ADCY2: variants seen among roughly 807,000 people sequenced by gnomAD.
ADCY2 encodes adenylate cyclase type 2.
Under a neutral mutation model 125.2 loss-of-function variants are expected in ADCY2, and 31 were observed. That is an observed-to-expected ratio of 0.25 (90% CI 0.19 to 0.33). ADCY2 has a LOEUF of 0.33. Among genes scored for constraint, ADCY2 ranks in the 10% least tolerant of loss-of-function variants. The pLI, the probability that ADCY2 is intolerant of heterozygous loss-of-function variation, is 1.00. For missense variants in ADCY2, 904 were observed against 1,418.2 expected (o/e 0.64, Z 5.82); for synonymous variants, 512 against 548.4 (o/e 0.93, Z 0.93).
chr5:7,731,017 G>T (rs1034200054), intron 14 of ADCY2, among the ~76,000 whole-genome samples: 1 of 152,024 alleles, frequency 6.6e-6, no homozygotes, highest in African/African-American at 2.4e-5. Flanking sequence ...TGGAGTTCTT[G>T]TAGCTGCATA....
At position 7,802,105 on chromosome 5, in the gene ADCY2, G is replaced by A. The variant is rs866635287; in HGVS notation, c.2629-113G>A. 2.4e-6 allele frequency: 3 copies of A among 1,240,486 alleles called. No individual in the cohort carries two copies. In the South Asian group the frequency reaches 4.4e-5, roughly 18 times the overall value. 76.8% of individuals were successfully genotyped at this position (1,240,486 alleles called of 1,614,324 possible). A position where few individuals can be genotyped will look rare whatever the true frequency, so the allele number is the denominator to read the frequency against. On this transcript the variant is annotated intron_variant, in intron 20 of 24. Coordinates refer to ENST00000338316, the MANE Select transcript of ADCY2 (RefSeq NM_020546.3). This position sits in a 1 kb window ranked among gnomAD's most constrained non-coding sequence, Gnocchi z 4.6. ...GGCTGGGGTGGGGCAAGTGGAGTAGGCATTTGGGCGATGTCTGTGTGAATC... is the reference window on the plus strand; with the variant it reads ...GGCTGGGGTGGGGCAAGTGGAGTAGACATTTGGGCGATGTCTGTGTGAATC...
chr5:7,687,605 G>A (rs933050065), intron 4 of ADCY2, among the ~76,000 whole-genome samples: 5 of 152,186 alleles, frequency 3.3e-5, no homozygotes, highest in African/African-American at 1.2e-4. Flanking sequence ...TGAGCAATGT[G>A]CCGACCGATT....
intron 2 of ADCY2, among the ~76,000 whole-genome samples, chr5:7,418,398 C>A (rs1454387362): frequency 6.6e-6 from 1 of 152,066 alleles, no homozygotes; most frequent in East Asian, 1.9e-4. Context: ...GCCCTCTCAC[C>A]CAAGGCATGA....
intron 3 of ADCY2, among the ~76,000 whole-genome samples, chr5:7,595,642 C>A (rs1736981141): frequency 1.3e-5 from 2 of 152,132 alleles, no homozygotes; most frequent in South Asian, 4.1e-4. Flanking sequence ...ATATAATCAT[C>A]TCTTAGTAGC....
intron 14 of ADCY2, among the ~76,000 whole-genome samples, chr5:7,727,849 T>C (rs1741977906): frequency 6.6e-6 from 1 of 152,194 alleles, no homozygotes; most frequent in Non-Finnish European, 1.5e-5. Context: ...GGTGAATTCC[T>C]TCTGGTTCCA....
intron 22 of ADCY2, among the ~76,000 whole-genome samples, chr5:7,809,172 T>C (rs528602836): frequency 6.6e-6 from 1 of 152,334 alleles, no homozygotes; most frequent in East Asian, 1.9e-4. Context: ...ATTGGTACCA[T>C]TGCTGACTCA....
At chr5:7,823,576 A>G (rs1745369947) in intron 24 of ADCY2, among the ~76,000 whole-genome samples, 1 of 152,098 alleles carries the variant, frequency 6.6e-6, no homozygotes, top group Admixed American at 6.6e-5. Flanking sequence ...ATCCTGGACA[A>G]CCCCAGGTCT....
rs191484062 is a variant in ADCY2, at chr5:7,572,255, T to G, written c.570+51356T>G. On this transcript the variant is annotated intron_variant, in intron 3 of 24. Coordinates refer to ENST00000338316, the MANE Select transcript of ADCY2 (RefSeq NM_020546.3). Reference sequence around the variant, plus strand: ...ATCTTCCACAATGGTTGAACTAATTTACACTCCCGTCAACAGTGTATAAAT... The same window carrying G: ...ATCTTCCACAATGGTTGAACTAATTGACACTCCCGTCAACAGTGTATAAAT... 3.9e-5 allele frequency among the ~76,000 whole-genome samples: 6 copies of G among 152,342 alleles called. No individual in the cohort carries two copies. The East Asian group carries it at 9.7e-4, about 25-fold the overall frequency.
rs1741614304 is a variant in ADCY2, at chr5:7,717,089, T to TA, written c.1623-62dup. On this transcript the variant is annotated intron_variant, in intron 11 of 24. Coordinates refer to ENST00000338316, the MANE Select transcript of ADCY2 (RefSeq NM_020546.3). Reference sequence around the variant, plus strand: ...AAGGATGTAAAATATTATGTATCTCTAAAAAATTGGCTTAATATTTATTTT... The same window carrying TA: ...AAGGATGTAAAATATTATGTATCTCTAAAAAAATTGGCTTAATATTTATTTT... 6.8e-6 allele frequency: 7 copies of TA among 1,023,396 alleles called. No homozygotes were observed. In the Admixed American group the frequency reaches 1.4e-4, roughly 21 times the overall value. The allele number at this position is 1,023,396 out of a possible 1,614,324, so 63.4% of individuals were successfully genotyped here.
At chr5:7,565,547 C>T (rs1017009048) in intron 3 of ADCY2, among the ~76,000 whole-genome samples, 4 of 152,194 alleles carry the variant, frequency 2.6e-5, no homozygotes, top group African/African-American at 4.8e-5. Context: ...TGGAAACAGA[C>T]TGTGGCAATC....
intron 2 of ADCY2, among the ~76,000 whole-genome samples, chr5:7,465,589 G>A (rs1022296316): frequency 2.6e-5 from 4 of 152,166 alleles, no homozygotes; most frequent in Admixed American, 1.3e-4. Flanking sequence ...TGAGAATGCA[G>A]ACACCTATGG....
At chr5:7,499,332 T>A (rs1743462288) in intron 2 of ADCY2, among the ~76,000 whole-genome samples, 1 of 152,028 alleles carries the variant, frequency 6.6e-6, no homozygotes, top group South Asian at 2.1e-4. Flanking sequence ...GGGTAGTTGC[T>A]GGAGGGAGAG....
intron 3 of ADCY2, among the ~76,000 whole-genome samples, chr5:7,598,714 C>T (rs1048049856): frequency 2.0e-5 from 3 of 152,146 alleles, no homozygotes; most frequent in Non-Finnish European, 2.9e-5. Flanking sequence ...AGCCCCGTTG[C>T]GCTCAGGTGA....
chr5:7,650,217 GACAC>G (rs3073883), intron 4 of ADCY2, among the ~76,000 whole-genome samples: 27,236 of 147,732 alleles, frequency 0.18, 3,044 homozygotes, highest in Admixed American at 0.34. Context: ...TGCAGGCACA[GACAC>G]ACACACACAC....
chr5:7,475,018 A>G (rs954830737), intron 2 of ADCY2, among the ~76,000 whole-genome samples: 3 of 152,168 alleles, frequency 2.0e-5, no homozygotes, highest in African/African-American at 7.2e-5. Flanking sequence ...TGGCTTTGGC[A>G]GGAGGGTCGC....
At chr5:7,530,143 G>C (rs1184087897) in intron 3 of ADCY2, among the ~76,000 whole-genome samples, 1 of 152,172 alleles carries the variant, frequency 6.6e-6, no homozygotes, top group East Asian at 1.9e-4. Context: ...TGCTGGCCTT[G>C]GTGCTGATTA....
chr5:7,435,426 C>T (rs750074669), intron 2 of ADCY2, among the ~76,000 whole-genome samples: 8 of 152,146 alleles, frequency 5.3e-5, no homozygotes, highest in Non-Finnish European at 8.8e-5. Flanking sequence ...TTTCATCATA[C>T]GACATAATCA....
rs567867429 is a variant in ADCY2 at position 7,509,448 on chromosome 5, AT to A, written c.409-11282del. ...CCGTCTGTATTCCCTCAGGACACCC[AT>A]TTTTTTTAATGTTATATCCTACTAT... On this transcript the variant is annotated intron_variant, in intron 2 of 24. Coordinates refer to ENST00000338316, the MANE Select transcript of ADCY2 (RefSeq NM_020546.3). 2.4e-3 allele frequency among the ~76,000 whole-genome samples: 364 copies of A among 152,098 alleles called. 1 individual carries two copies. Among genetic ancestry groups the A allele is most frequent in the Admixed American group, 3.9e-3 (59 of 15,278 alleles).
chr5:7,724,507 A>AT (rs1741872697), intron 12 of ADCY2, 38 bp from the exon 13 acceptor site: 1 of 1,501,042 alleles, frequency 6.7e-7, no homozygotes, highest in South Asian at 1.1e-5. Flanking sequence ...TTGATTGGAG[A>AT]TTCAGTTTTA....
Sources: gnomAD v4.1 joint callset for allele counts (sites outside exome capture counted in the v4.1 genomes callset) on GRCh38, gnomAD v4.1.1 for gene constraint, Gnocchi (gnomAD v3.1) non-coding constraint, MANE v1.5 for transcripts, NCBI Gene and HGNC (gene_info 2026-07-23, HGNC 2026-07-21) for gene names.